The following ZBTB20 variants were observed in gnomAD, a reference collection of about 807,000 sequenced individuals.
The protein encoded by ZBTB20 is zinc finger and BTB domain-containing protein 20.
Under a neutral mutation model 56.9 loss-of-function variants are expected in ZBTB20, and 9 were observed. The observed-to-expected ratio is 0.16, with a 90% confidence interval of 0.10 to 0.28. The LOEUF (loss-of-function observed/expected upper bound fraction) is 0.28, where lower values mean the gene tolerates loss of function less well. ZBTB20 is among the 10% of genes least tolerant of loss of function. The pLI, the probability that ZBTB20 is intolerant of heterozygous loss-of-function variation, is 1.00. For synonymous variants in ZBTB20, 417 were observed against 420.7 expected, an observed-to-expected ratio of 0.99 and a Z score of 0.11; for missense variants, 655 against 1,003.0, an observed-to-expected ratio of 0.65 and a Z score of 4.69.
chr3:114,669,229 T>C (rs1381167346), intron 6 of ZBTB20, among the ~76,000 whole-genome samples: 3 of 152,010 alleles, frequency 2.0e-5, no homozygotes, highest in African/African-American at 4.8e-5. Context: ...CAAAGAATTA[T>C]CTACTCCAAA....
chr3:114,763,893 T>C (rs2068606672), intron 5 of ZBTB20, among the ~76,000 whole-genome samples: 1 of 152,100 alleles, frequency 6.6e-6, no homozygotes, highest in Admixed American at 6.5e-5. Flanking sequence ...TTTTCAAATA[T>C]ATTAGAGGAA....
chr3:114,676,193 G>A (rs1443304828), intron 6 of ZBTB20, among the ~76,000 whole-genome samples: 1 of 152,124 alleles, frequency 6.6e-6, no homozygotes, highest in Non-Finnish European at 1.5e-5. Flanking sequence ...GCATTCATTT[G>A]ATCTTCTCAA....
intron 6 of ZBTB20, among the ~76,000 whole-genome samples, chr3:114,591,727 T>C (rs189156399): frequency 4.6e-5 from 7 of 152,328 alleles, no homozygotes; most frequent in Non-Finnish European, 8.8e-5. Flanking sequence ...ATAACTTTTA[T>C]TTAACAACGT....
rs1356369367 is a variant in ZBTB20, at chr3:114,328,313, G to A, written c.*10692C>T. 6.6e-6 allele frequency: 1 copy of A among 151,708 alleles called. No individual in the cohort carries two copies. The highest frequency in any genetic ancestry group is 1.5e-5 in the Non-Finnish European group (1 of 67,942). 9.4% of individuals were successfully genotyped at this position (151,708 alleles called of 1,614,324 possible). A position where few individuals can be genotyped will look rare whatever the true frequency, so the allele number is the denominator to read the frequency against. On this transcript the variant is annotated 3_prime_UTR_variant, in exon 12 of 12. Coordinates refer to ENST00000675478, the MANE Select transcript of ZBTB20 (RefSeq NM_001348800.3). ...CAAGTGGATGTGGCTTTTCTTGTTT[G>A]AGAAGAGCTCACTAAGGCTTGAACA...
chr3:114,834,757 G>GC (rs1296987711), intron 4 of ZBTB20, among the ~76,000 whole-genome samples: 5 of 151,976 alleles, frequency 3.3e-5, no homozygotes, highest in Non-Finnish European at 5.9e-5. Flanking sequence ...CCCGCCCATG[G>GC]CAAGAGTCCC....
At chr3:114,576,695 A>G (rs2054096193) in intron 6 of ZBTB20, among the ~76,000 whole-genome samples, 1 of 151,720 alleles carries the variant, frequency 6.6e-6, no homozygotes, top group Non-Finnish European at 1.5e-5. Flanking sequence ...GTTTTTCAGA[A>G]AAACAACAGT....
chr3:115,147,148 C>A (rs914456224), intron 1 of ZBTB20, 71 bp downstream of exon 1: 1 of 145,182 alleles, frequency 6.9e-6, no homozygotes, highest in African/African-American at 2.5e-5. Context: ...GACGCCTCAT[C>A]CCCCTCGGCA....
At chr3:115,139,878 T>C (rs2084761905) in intron 1 of ZBTB20, among the ~76,000 whole-genome samples, 1 of 152,008 alleles carries the variant, frequency 6.6e-6, no homozygotes, top group Non-Finnish European at 1.5e-5. Context: ...TTATTATACT[T>C]ACCCACTATG....
At position 114,497,973 on chromosome 3, in the gene ZBTB20, TG is replaced by T. The variant is rs2043478855; in HGVS notation, c.-255+2378del. Among the ~76,000 whole-genome samples, 3 of 152,266 alleles carry T rather than the reference TG, an allele frequency of 2.0e-5. No homozygotes were observed. In the South Asian group the frequency reaches 6.2e-4, roughly 32 times the overall value. On this transcript the variant is annotated intron_variant, in intron 7 of 11. Transcript: ENST00000675478. ...GGTATGGCAGGGGCTGGTGACTGGC[TG>T]GGGTGACAGTAAGAGTGAGGGATAA... is the stretch of plus-strand genomic sequence containing the variant.
intron 7 of ZBTB20, among the ~76,000 whole-genome samples, chr3:114,484,919 A>G (rs2041954262): frequency 6.6e-6 from 1 of 152,224 alleles, no homozygotes; most frequent in South Asian, 2.1e-4. Context: ...CTGATCTAGA[A>G]GTAATCCCCA....
chr3:114,709,850 T>C (rs749775242), intron 5 of ZBTB20, among the ~76,000 whole-genome samples: 3 of 152,328 alleles, frequency 2.0e-5, no homozygotes, highest in Non-Finnish European at 2.9e-5. Flanking sequence ...ACCGGTGTCC[T>C]TGTTCTCCAT....
At chr3:114,641,038 A>C (rs576565910) in intron 6 of ZBTB20, among the ~76,000 whole-genome samples, 1 of 152,080 alleles carries the variant, frequency 6.6e-6, no homozygotes, top group African/African-American at 2.4e-5. Flanking sequence ...ATTTCTGTGA[A>C]CATTATTATT....
rs975758071 is a variant in ZBTB20, at chr3:114,809,148, A to C, written c.-416-7974T>G. Among the ~76,000 whole-genome samples the C allele has an allele frequency of 3.3e-5, 5 of 151,812 alleles. 1 individual carries two copies. In the Middle Eastern group the frequency reaches 0.014, roughly 413 times the overall value. ...TCAAAAGTTTGACTATAATGTGTCT[A>C]TGTACAGATTTTTTTTGTGTTTATC... On this transcript the variant is annotated intron_variant, in intron 4 of 11. Transcript: ENST00000675478.
At chr3:114,415,563 T>C (rs1225489851) in intron 7 of ZBTB20, among the ~76,000 whole-genome samples, 1 of 152,120 alleles carries the variant, frequency 6.6e-6, no homozygotes. Flanking sequence ...AGGTTAACAT[T>C]AGAGATTCAG....
chr3:114,790,775 GT>G (rs199728572), intron 5 of ZBTB20, among the ~76,000 whole-genome samples: 1,462 of 142,108 alleles, frequency 0.01, 12 homozygotes, highest in African/African-American at 0.029. Flanking sequence ...ATAACAGTAA[GT>G]TTTTTTTTTT....
intron 5 of ZBTB20, among the ~76,000 whole-genome samples, chr3:114,779,321 T>C (rs771038374): frequency 6.6e-6 from 1 of 152,176 alleles, no homozygotes; most frequent in Non-Finnish European, 1.5e-5. Flanking sequence ...AACAACCCAA[T>C]AGGCAATTGT....
At chr3:114,754,277 T>A (rs1455234334) in intron 5 of ZBTB20, among the ~76,000 whole-genome samples, 1 of 152,152 alleles carries the variant, frequency 6.6e-6, no homozygotes, top group Non-Finnish European at 1.5e-5. Context: ...GTATATTCAC[T>A]CACACACATT....
chr3:114,409,647 T>C (rs2087734294), intron 7 of ZBTB20, among the ~76,000 whole-genome samples: 1 of 152,136 alleles, frequency 6.6e-6, no homozygotes. Context: ...AAGCCTGGAA[T>C]TCATTTAGCT....
intron 4 of ZBTB20, among the ~76,000 whole-genome samples, chr3:114,851,211 T>C (rs902337986): frequency 5.3e-5 from 8 of 152,200 alleles, no homozygotes; most frequent in Admixed American, 1.3e-4. Context: ...TTCTTGACTA[T>C]TCAATGCTAA....
Sources: gnomAD v4.1 joint callset for allele counts (sites outside exome capture counted in the v4.1 genomes callset) on GRCh38, gnomAD v4.1.1 for gene constraint, MANE v1.5 for transcripts, NCBI Gene and HGNC (gene_info 2026-07-23, HGNC 2026-07-21) for gene names.